NBEAL2: variants seen among roughly 807,000 people sequenced by gnomAD.
NBEAL2 encodes the protein neurobeachin-like protein 2.
In NBEAL2, 160 loss-of-function variants were observed where a neutral mutation model predicts 299.8. That is an observed-to-expected ratio of 0.53 (90% CI 0.47 to 0.61). The LOEUF (loss-of-function observed/expected upper bound fraction) is 0.61, where lower values mean the gene tolerates loss of function less well. Ranked by LOEUF, NBEAL2 falls within the 20% of genes least tolerant of loss-of-function variation. The probability of loss-of-function intolerance (pLI) is 0.00; values close to 1 mark genes in which losing one functional copy is unlikely to be tolerated. For missense variants in NBEAL2, 3,112 were observed against 3,649.0 expected, an observed-to-expected ratio of 0.85 and a Z score of 3.79; for synonymous variants, 1,493 against 1,542.3, an observed-to-expected ratio of 0.97 and a Z score of 0.75.
At position 47,008,691 on chromosome 3, in the gene NBEAL2, C is replaced by A. The variant is rs201124141; in HGVS notation, c.8027+23C>A. On this transcript the variant is annotated intron_variant, in intron 52 of 53. Transcript: ENST00000450053. ...CACGTAAGCCCCCCATTTATGGGTT[C>A]ATGGCCCCTGAAGGTGGTGGTCATT... 5.1e-4 allele frequency: 818 copies of A among 1,612,294 alleles called. 1 individual carries two copies. The highest frequency in any genetic ancestry group is 6.5e-4 in the Non-Finnish European group (770 of 1,179,722).
Position 46,996,949 on chromosome 3 carries a change from C to G in NBEAL2, c.2557-5C>G, listed in dbSNP as rs760228884. ...CTGGCTGCCTGCCCATTCCCCTATC[C>G]CTAGGCTTGTAAGAACAACATCTGC... On this transcript the variant is annotated splice_region_variant and splice_polypyrimidine_tract_variant and intron_variant, in intron 17 of 53. Transcript: ENST00000450053. 4.6e-5 allele frequency: 74 copies of G among 1,613,046 alleles called. No individual in the cohort carries two copies. In the African/African-American group the frequency reaches 5.3e-4, roughly 12 times the overall value.
At position 46,999,991 on chromosome 3, in the gene NBEAL2, A is replaced by ACAGCCGGCAGCCCCCCTCCGTCTTCCC; in HGVS notation, c.3896_3922dup (p.Ala1299_Pro1307dup). 2 of 1,612,012 alleles carry ACAGCCGGCAGCCCCCCTCCGTCTTCCC rather than the reference A, an allele frequency of 1.2e-6. No homozygotes were observed. The highest frequency in any genetic ancestry group is 1.7e-6 in the Non-Finnish European group (2 of 1,179,826). On this transcript the variant is annotated inframe_insertion, in exon 27 of 54. Coordinates refer to ENST00000450053, the MANE Select transcript of NBEAL2 (RefSeq NM_015175.3). The stretch of plus-strand genomic sequence containing the variant: ...CCGGCTATATGTCCTGGAGGCTGCC[A>ACAGCCGGCAGCCCCCCTCCGTCTTCCC]CAGCCGGCAGCCCCCCTCCGTCTTC...
intron 10 of NBEAL2, 103 bp downstream of exon 10, chr3:46,992,658 G>A (rs1024384363): frequency 5.3e-6 from 6 of 1,140,218 alleles, no homozygotes; most frequent in Middle Eastern, 4.0e-4. Context: ...GTAAGGCCTG[G>A]TGTGGTCTAG....
At chr3:47,009,186 C>T in intron 53 of NBEAL2, 33 bp from the exon 54 acceptor site, 4 of 1,567,952 alleles carry the variant, frequency 2.6e-6, no homozygotes, top group Non-Finnish European at 3.5e-6. Flanking sequence ...GCGGCGATCC[C>T]AGCTGATCCT....
chr3:47,008,672 A>T lies in NBEAL2; in HGVS notation c.8027+4A>T, dbSNP rs748683357. The T allele has an allele frequency of 1.2e-6, 2 of 1,613,082 alleles. No individual in the cohort carries two copies. The highest frequency in any genetic ancestry group is 1.7e-6 in the Non-Finnish European group (2 of 1,179,850). ...TGCACATCCTCCAACTAAACACGTA[A>T]GCCCCCCATTTATGGGTTCATGGCC... is the stretch of plus-strand genomic sequence containing the variant. On this transcript the variant is annotated splice_donor_region_variant and intron_variant, in intron 52 of 53. Transcript: ENST00000450053.
rs2107447429 is a variant in NBEAL2, at chr3:47,006,316, C to T, written c.7018-17C>T. On this transcript the variant is annotated splice_polypyrimidine_tract_variant and intron_variant, in intron 44 of 53. Transcript: ENST00000450053. ...GGGATGCCCATGCCATGGTGCTGACCAGCCACTTACCCACAGGAGCCACAT... is the reference window on the plus strand; with the variant it reads ...GGGATGCCCATGCCATGGTGCTGACTAGCCACTTACCCACAGGAGCCACAT... 6.2e-7 allele frequency: 1 copy of T among 1,600,808 alleles called. No individual in the cohort carries two copies. Among genetic ancestry groups the T allele is most frequent in the East Asian group, 2.3e-5 (1 of 44,184 alleles).
At position 47,002,240 on chromosome 3, in the gene NBEAL2, C is replaced by T. The variant is rs199537643; in HGVS notation, c.5103C>T (p.Phe1701=). 5,646 of 1,552,028 alleles carry T rather than the reference C, an allele frequency of 3.6e-3. 21 individuals carry two copies. The highest frequency in any genetic ancestry group is 4.3e-3 in the Non-Finnish European group (4,972 of 1,147,382). ...GCAGCCCCACCTTCTTTGAAGACTT[C>T]CAGGCTTTTTGTGCCACACCCGAAT... ...TNGSPTFFED[F]QAFCATPEWR... The change falls in exon 31 of 54, where the codon TTC becomes TTT. Residue 1701 remains phenylalanine, a synonymous_variant. Transcript: ENST00000450053.
chr3:47,006,167 G>T lies in NBEAL2; in HGVS notation c.6922G>T (p.Ala2308Ser), dbSNP rs772973222. ...GACTGCTCTGCCTGCCTTCCCAGGGGCTGTAGACCTGGACCATGTGACAGA... is the reference window on the plus strand; with the variant it reads ...GACTGCTCTGCCTGCCTTCCCAGGGTCTGTAGACCTGGACCATGTGACAGA... ...NVFYYCTYEG[A>S]VDLDHVTDER... Residue 2308 changes from alanine to serine, a missense_variant and splice_region_variant, in exon 44 of 54, where the codon GCT becomes TCT. Coordinates refer to ENST00000450053, the MANE Select transcript of NBEAL2 (RefSeq NM_015175.3). The T allele has an allele frequency of 1.4e-5, 22 of 1,613,750 alleles. No homozygotes were observed. The African/African-American group carries it at 2.1e-4, about 16-fold the overall frequency.
Position 47,003,663 on chromosome 3 carries a change from G to A in NBEAL2, c.5721-153G>A, listed in dbSNP as rs549446429. Among the ~76,000 whole-genome samples, 20 of 152,270 alleles carry A rather than the reference G, an allele frequency of 1.3e-4. No individual in the cohort carries two copies. The highest frequency in any genetic ancestry group is 2.6e-4 in the Non-Finnish European group (18 of 68,018). On this transcript the variant is annotated intron_variant, in intron 35 of 53. Coordinates refer to ENST00000450053, the MANE Select transcript of NBEAL2 (RefSeq NM_015175.3). The surrounding 1 kb of genome is among the most constrained non-coding windows in gnomAD (Gnocchi z 7.0). The stretch of plus-strand genomic sequence containing the variant: ...GTGGCAGGTGGGGGACAGGGGCTGG[G>A]ACCAGTAGGTTCTGGACCCTAGGCA...
chr3:46,980,068 G>T (rs1227025866), intron 1 of NBEAL2, among the ~76,000 whole-genome samples, 156 bp downstream of exon 1: 9 of 151,786 alleles, frequency 5.9e-5, no homozygotes, highest in Admixed American at 5.9e-4. Flanking sequence ...CCGCACACAC[G>T]TGTGTGCCCC....
Position 46,988,908 on chromosome 3 carries a change from G to C in NBEAL2, c.207G>C (p.Gln69His). 6.2e-7 allele frequency: 1 copy of C among 1,612,926 alleles called. No individual in the cohort carries two copies. The highest frequency in any genetic ancestry group is 1.3e-5 in the African/African-American group (1 of 75,046). Residue 69 changes from glutamine (Q) to histidine (H), a missense_variant, in exon 3 of 54, where the codon CAG (glutamine) becomes CAC (histidine). By Grantham distance (24) the Gln-to-His change is conservative (BLOSUM62 0). Around this residue, in one of 3 missense-constraint regions of NBEAL2, gnomAD observed 2,243 missense variants for 2,538.1 expected, o/e 0.88. Coordinates refer to ENST00000450053, the MANE Select transcript of NBEAL2 (RefSeq NM_015175.3). This position sits in a 1 kb window ranked among gnomAD's most constrained non-coding sequence, Gnocchi z 4.4. ...ATGAGCTGCATGTGCTGGCCGAACAGCTGCACCAGGCTGACCTGGAGCAAG... is the reference window on the plus strand; with the variant it reads ...ATGAGCTGCATGTGCTGGCCGAACACCTGCACCAGGCTGACCTGGAGCAAG... Reference protein sequence around the residue: ...PLDELHVLAEQLHQADLEQAL... With the variant: ...PLDELHVLAEHLHQADLEQAL...
rs2036472375 is a variant in NBEAL2 at position 46,996,070 on chromosome 3, G to A, written c.2151+19G>A. Reference sequence around the variant, plus strand: ...CAGTGAGGTGTGCCAAGCAAGGTTTGGGGAGGCCTTGGGTAGATGGGAGGA... The same window carrying A: ...CAGTGAGGTGTGCCAAGCAAGGTTTAGGGAGGCCTTGGGTAGATGGGAGGA... On this transcript the variant is annotated intron_variant, in intron 15 of 53. Coordinates refer to ENST00000450053, the MANE Select transcript of NBEAL2 (RefSeq NM_015175.3). The A allele has an allele frequency of 6.3e-7, 1 of 1,589,514 alleles. No individual in the cohort carries two copies. The highest frequency in any genetic ancestry group is 8.6e-7 in the Non-Finnish European group (1 of 1,168,110).
chr3:46,996,235 T>A (rs752355609), intron 15 of NBEAL2, 36 bp from the exon 16 acceptor site: 2 of 1,599,736 alleles, frequency 1.3e-6, no homozygotes, highest in Non-Finnish European at 1.7e-6. Flanking sequence ...CAGGTTCTGC[T>A]GTGACCTGAC....
chr3:46,987,244 T>C (rs916791312), intron 1 of NBEAL2, among the ~76,000 whole-genome samples: 3 of 152,128 alleles, frequency 2.0e-5, no homozygotes, highest in East Asian at 1.9e-4. Flanking sequence ...CATCCAAAGA[T>C]AGTTCTGGAG....
intron 9 of NBEAL2, 48 bp from the exon 10 acceptor site, chr3:46,992,427 C>G: frequency 6.6e-7 from 1 of 1,523,336 alleles, no homozygotes; most frequent in Non-Finnish European, 9.0e-7. Context: ...CCATCTTCCT[C>G]CTCTCTTCTT....
In NBEAL2 at chr3:46,998,819, T is replaced by C; in HGVS notation, c.3324T>C (p.Asp1108=). ...REFLVRSLSA[D]DVQVTQTMLS... is the part of the protein sequence containing the mutation. Reference sequence around the variant, plus strand: ...TCCTGGTGCGGAGTCTCTCAGCAGATGACGTGCAGGTCACGCAGACCATGC... The same window carrying C: ...TCCTGGTGCGGAGTCTCTCAGCAGACGACGTGCAGGTCACGCAGACCATGC... The change falls in exon 23 of 54, where the codon GAT becomes GAC. Residue 1108 remains aspartate (D), a synonymous_variant. Transcript: ENST00000450053. 2 of 1,571,218 alleles carry C rather than the reference T, an allele frequency of 1.3e-6. No individual in the cohort carries two copies. Among genetic ancestry groups the C allele is most frequent in the Non-Finnish European group, 8.6e-7 (1 of 1,158,464 alleles).
chr3:46,987,927 TC>T (rs1270629070), intron 1 of NBEAL2: 2 of 1,166,302 alleles, frequency 1.7e-6, no homozygotes, highest in East Asian at 6.3e-5. Context: ...GCGGTCCCCC[TC>T]CCCCACCGTG....
At chr3:46,993,413 G>A (rs1208575773) in intron 10 of NBEAL2, among the ~76,000 whole-genome samples, 1 of 152,208 alleles carries the variant, frequency 6.6e-6, no homozygotes, top group African/African-American at 2.4e-5. Context: ...TGGCTGTCAG[G>A]TTCAGCCAGG....
Position 46,997,025 on chromosome 3 carries a change from A to C in NBEAL2, c.2628A>C (p.Arg876Ser), listed in dbSNP as rs1248265300. ...HGLDGRLTGH[R>S]VETWDVKDVV... ...TTGATGGGCGCCTGACGGGCCACAG[A>C]GTGGAGACCTGGGATGTGAAGGTCT... is the stretch of plus-strand genomic sequence containing the variant. The change falls in exon 18 of 54, where the codon AGA becomes AGC. Residue 876 changes from arginine to serine, a missense_variant. Physicochemically the swap from Arg to Ser is moderately radical, Grantham distance 110. Transcript: ENST00000450053. 6.2e-7 allele frequency: 1 copy of C among 1,613,240 alleles called. No individual in the cohort carries two copies. The highest frequency in any genetic ancestry group is 8.5e-7 in the Non-Finnish European group (1 of 1,179,718).
Sources: gnomAD v4.1 joint callset for allele counts (sites outside exome capture counted in the v4.1 genomes callset) on GRCh38, gnomAD v4.1.1 for gene constraint, gnomAD v4.1.1 regional missense constraint, Gnocchi (gnomAD v3.1) non-coding constraint, MANE v1.5 for transcripts, NCBI Gene and HGNC (gene_info 2026-07-23, HGNC 2026-07-21) for gene names.